Variants in COL24A1 observed in about 807,000 individuals in gnomAD.
COL24A1 encodes the protein collagen alpha-1(XXIV) chain.
COL24A1 carries 224 observed loss-of-function variants against 253.9 expected under a neutral mutation model. The ratio of observed to expected loss-of-function variants is 0.88; its 90% CI spans 0.79 to 0.99. The LOEUF (loss-of-function observed/expected upper bound fraction) is 0.99. Ranked by LOEUF, COL24A1 falls within the 50% of genes least tolerant of loss-of-function variation. The pLI is 0.00. For missense variants in COL24A1, 2,131 were observed against 2,068.5 expected, an observed-to-expected ratio of 1.03 and a Z score of -0.59; for synonymous variants, 685 against 673.7, an observed-to-expected ratio of 1.02 and a Z score of -0.26.
In COL24A1 at chr1:86,020,717, A is replaced by T. The variant is rs1040105540; in HGVS notation, c.2256+1523T>A. The stretch of plus-strand genomic sequence containing the variant: ...GCGCTAGAAAAATGTCACATTATTT[A>T]AAAAAAAGAATATGTAAAAAGTATC... On this transcript the variant is annotated intron_variant, in intron 18 of 59. Transcript: ENST00000370571. Among the ~76,000 whole-genome samples, 42 of 152,066 alleles carry T rather than the reference A, an allele frequency of 2.8e-4. 3 individuals carry two copies. Among genetic ancestry groups the T allele is most frequent in the Admixed American group, 2.8e-3 (42 of 15,264 alleles).
chr1:86,148,738 C>T (rs1267370643), intron 1 of COL24A1, among the ~76,000 whole-genome samples: 2 of 152,116 alleles, frequency 1.3e-5, no homozygotes, highest in Non-Finnish European at 2.9e-5. Flanking sequence ...TTTTCTTAAT[C>T]CAGTCTATCA....
chr1:85,972,774 A>T (rs1692302138), intron 20 of COL24A1, among the ~76,000 whole-genome samples: 3 of 152,216 alleles, frequency 2.0e-5, no homozygotes, highest in Admixed American at 1.3e-4. Context: ...GACCCAATTC[A>T]GCCCAACTGA....
intron 38 of COL24A1, among the ~76,000 whole-genome samples, 181 bp downstream of exon 38, chr1:85,849,172 C>T (rs974772716): frequency 6.6e-5 from 10 of 151,970 alleles, no homozygotes; most frequent in African/African-American, 1.9e-4. Flanking sequence ...CAAATAATCA[C>T]GATAATAAGT....
intron 43 of COL24A1, among the ~76,000 whole-genome samples, chr1:85,829,255 C>G (rs973933245): frequency 1.6e-4 from 24 of 152,008 alleles, no homozygotes; most frequent in Admixed American, 7.9e-4. Context: ...TTGGCCCCCA[C>G]TCTCTTCTGG....
At chr1:85,880,210 A>G (rs1681665412) in intron 32 of COL24A1, among the ~76,000 whole-genome samples, 1 of 152,180 alleles carries the variant, frequency 6.6e-6, no homozygotes, top group Admixed American at 6.5e-5. Flanking sequence ...AGTTTACCTC[A>G]TATAGATCTT....
At chr1:85,845,999 T>C (rs1185989066) in intron 39 of COL24A1, among the ~76,000 whole-genome samples, 1 of 151,632 alleles carries the variant, frequency 6.6e-6, no homozygotes, top group East Asian at 1.9e-4. Flanking sequence ...ATCACAATAG[T>C]ATAGTAAGTA....
rs529770370 is a variant in COL24A1, at chr1:85,945,984, G to T, written c.2562+15265C>A. On this transcript the variant is annotated intron_variant, in intron 24 of 59. Transcript: ENST00000370571. ...CTTACAAGACTGGCTCTTGGCTGAT[G>T]TCTGGGGAATTTGGATTTGGGGACA... Among the ~76,000 whole-genome samples, 13 of 152,260 alleles carry T rather than the reference G, an allele frequency of 8.5e-5. No homozygotes were observed. In the South Asian group the frequency reaches 2.7e-3, roughly 32 times the overall value.
intron 35 of COL24A1, among the ~76,000 whole-genome samples, chr1:85,871,149 A>G (rs951210476): frequency 6.6e-6 from 1 of 152,222 alleles, no homozygotes; most frequent in African/African-American, 2.4e-5. Flanking sequence ...CTAAGCCAGG[A>G]AGAAGTTGAA....
At chr1:86,082,135 A>G (rs1702687349) in intron 7 of COL24A1, among the ~76,000 whole-genome samples, 1 of 150,268 alleles carries the variant, frequency 6.7e-6, no homozygotes, top group Non-Finnish European at 1.5e-5. Flanking sequence ...TATCTCTCGA[A>G]CTCATAAAAA....
chr1:85,975,317 G>A (rs1233186446), intron 20 of COL24A1, among the ~76,000 whole-genome samples: 3 of 152,106 alleles, frequency 2.0e-5, no homozygotes, highest in South Asian at 4.1e-4. Context: ...GCATTCTCAA[G>A]TTTATTGCAG....
intron 38 of COL24A1, 92 bp downstream of exon 38, chr1:85,849,261 A>G (rs1570906254): frequency 1.2e-6 from 1 of 808,468 alleles, no homozygotes; most frequent in East Asian, 2.5e-5. Flanking sequence ...CTACTTTACT[A>G]TCTAGTCCAA....
intron 53 of COL24A1, among the ~76,000 whole-genome samples, chr1:85,767,450 G>T (rs1667497956): frequency 6.6e-6 from 1 of 152,018 alleles, no homozygotes; most frequent in Non-Finnish European, 1.5e-5. Context: ...AAGGAGAAAA[G>T]GTTTAACGGC....
Position 86,154,059 on chromosome 1 carries a change from C to T in COL24A1, c.56+2282G>A, listed in dbSNP as rs182810674. 8 of 152,234 alleles carry T rather than the reference C, an allele frequency of 5.3e-5. No homozygotes were observed. In the East Asian group the frequency reaches 1.4e-3, roughly 26 times the overall value. 9.4% of individuals were successfully genotyped at this position (152,234 alleles called of 1,614,324 possible). On this transcript the variant is annotated intron_variant, in intron 1 of 59. Transcript: ENST00000370571. ...ACATCACCACAAAAGGAAAATAAAA[C>T]TCAGGGATTTCATCAGAGACTCTAA...
At chr1:85,787,188 T>C (rs1435583955) in intron 47 of COL24A1, among the ~76,000 whole-genome samples, 1 of 151,528 alleles carries the variant, frequency 6.6e-6, no homozygotes, top group Non-Finnish European at 1.5e-5. Context: ...TGAGTAGTTA[T>C]GGCAGAGTTT....
intron 57 of COL24A1, 83 bp downstream of exon 57, chr1:85,744,583 G>T: frequency 8.6e-7 from 1 of 1,166,478 alleles, no homozygotes; most frequent in Non-Finnish European, 1.2e-6. Context: ...CTATGATTTG[G>T]AGTGAACACA....
chr1:85,897,326 A>G (rs1341576186), intron 28 of COL24A1, among the ~76,000 whole-genome samples: 1 of 152,054 alleles, frequency 6.6e-6, no homozygotes, highest in Non-Finnish European at 1.5e-5. Context: ...TGATGGGATG[A>G]TCTGTGCAGC....
intron 1 of COL24A1, among the ~76,000 whole-genome samples, chr1:86,147,978 C>G (rs1247191916): frequency 6.6e-6 from 1 of 152,156 alleles, no homozygotes; most frequent in Non-Finnish European, 1.5e-5. Context: ...GAATTTCTAA[C>G]TAAGTATGTC....
At chr1:85,783,583 A>C in intron 50 of COL24A1, 25 bp from the exon 51 acceptor site, 1 of 1,605,824 alleles carries the variant, frequency 6.2e-7, no homozygotes, top group Non-Finnish European at 8.5e-7. Context: ...AGAAACAAAA[A>C]GATAAAATTT....
intron 24 of COL24A1, among the ~76,000 whole-genome samples, chr1:85,960,094 T>C (rs982085998): frequency 2.0e-5 from 3 of 152,182 alleles, no homozygotes; most frequent in African/African-American, 7.2e-5. Context: ...ACACAGATAC[T>C]CTTCCTATTT....
Sources: allele counts gnomAD v4.1 joint callset (sites outside exome capture counted in the v4.1 genomes callset), GRCh38; gene constraint gnomAD v4.1.1; transcripts MANE v1.5; gene names NCBI Gene and HGNC (gene_info 2026-07-23, HGNC 2026-07-21).